The following UBR1 variants were observed in gnomAD, a reference collection of about 807,000 sequenced individuals.
The protein encoded by UBR1 is E3 ubiquitin-protein ligase UBR1.
Under a neutral mutation model 242.1 loss-of-function variants are expected in UBR1, and 102 were observed. The ratio of observed to expected loss-of-function variants is 0.42; its 90% CI spans 0.36 to 0.50. The LOEUF is 0.50. UBR1 is among the 20% of genes least tolerant of loss of function. UBR1 has a pLI of 0.01. For missense variants in UBR1, 1,772 were observed against 2,101.8 expected, an observed-to-expected ratio of 0.84 and a Z score of 3.07; for synonymous variants, 675 against 684.8, an observed-to-expected ratio of 0.99 and a Z score of 0.22.
rs1315642501 is a variant in UBR1, at chr15:42,998,843, C to A, written c.3660-578G>T. Among the ~76,000 whole-genome samples the A allele has an allele frequency of 2.6e-5, 4 of 151,994 alleles. No individual in the cohort carries two copies. In the East Asian group the frequency reaches 7.7e-4, roughly 29 times the overall value. ...ATAACTTCTAATCTTTGCTCATAAT[C>A]CCTTTTATGATCTGGTCTTTGCTTG... On this transcript the variant is annotated intron_variant, in intron 32 of 46. Transcript: ENST00000290650.
chr15:43,087,889 AG>A (rs1333624719), intron 1 of UBR1, among the ~76,000 whole-genome samples: 2 of 152,198 alleles, frequency 1.3e-5, no homozygotes, highest in Non-Finnish European at 2.9e-5. Context: ...ATAAAGCAAA[AG>A]TTACACAACA....
At chr15:43,080,966 C>T (rs914522520) in intron 3 of UBR1, among the ~76,000 whole-genome samples, 1 of 151,992 alleles carries the variant, frequency 6.6e-6, no homozygotes, top group Non-Finnish European at 1.5e-5. Flanking sequence ...AAAAACATTT[C>T]GTGTGCAGTT....
At chr15:43,026,710 T>A in intron 22 of UBR1, 47 bp from the exon 23 acceptor site, 1 of 1,486,768 alleles carries the variant, frequency 6.7e-7, no homozygotes, top group East Asian at 2.3e-5. Flanking sequence ...TCTTGAAGTA[T>A]AAAATATAGA....
intron 46 of UBR1, among the ~76,000 whole-genome samples, chr15:42,948,350 C>T (rs1331846050): frequency 1.3e-5 from 2 of 152,126 alleles, no homozygotes; most frequent in African/African-American, 4.8e-5. Flanking sequence ...CTAGGCATTA[C>T]CATTCAGGAC....
chr15:43,095,079 T>G (rs1221956332), intron 1 of UBR1, among the ~76,000 whole-genome samples: 1 of 152,236 alleles, frequency 6.6e-6, no homozygotes, highest in African/African-American at 2.4e-5. Context: ...CTGAGGTATC[T>G]ATTTCATATT....
At chr15:43,080,564 T>C (rs2033963950) in intron 3 of UBR1, among the ~76,000 whole-genome samples, 1 of 152,230 alleles carries the variant, frequency 6.6e-6, no homozygotes, top group African/African-American at 2.4e-5. Flanking sequence ...TACTAAGCAA[T>C]ATTCCATTGT....
intron 40 of UBR1, 108 bp from the exon 41 acceptor site, chr15:42,966,394 T>C (rs1306929915): frequency 2.1e-6 from 3 of 1,452,152 alleles, no homozygotes; most frequent in Non-Finnish European, 2.8e-6. Context: ...AGGTAATTTA[T>C]TATCCATGCA....
intron 37 of UBR1, among the ~76,000 whole-genome samples, chr15:42,978,710 T>C (rs766185750): frequency 9.2e-5 from 14 of 151,580 alleles, no homozygotes; most frequent in Non-Finnish European, 1.6e-4. Context: ...TCAGACTAGG[T>C]AAATTTCTTT....
In UBR1 at chr15:43,024,873, T is replaced by C. The variant is rs35069201; in HGVS notation, c.2695A>G (p.Ile899Val). 45,661 of 1,614,138 alleles carry C rather than the reference T, an allele frequency of 0.028. 807 individuals carry two copies. Among genetic ancestry groups the C allele is most frequent in the Non-Finnish European group, 0.034 (39,732 of 1,179,974 alleles). ...GTCCACAAGTTAGAATCTGTGTCTATTGCCCGCTCAAATACGGTCCTGAGA... is the reference window on the plus strand; with the variant it reads ...GTCCACAAGTTAGAATCTGTGTCTACTGCCCGCTCAAATACGGTCCTGAGA... ...YILRTVFERA[I>V]DTDSNLWTEG... is the part of the protein sequence containing the mutation. The change falls in exon 25 of 47, where the codon ATA (isoleucine) becomes GTA (valine). Residue 899 changes from isoleucine to valine, a missense_variant. Transcript: ENST00000290650.
At chr15:43,058,136 C>G (rs1054212044) in intron 10 of UBR1, among the ~76,000 whole-genome samples, 2 of 152,128 alleles carry the variant, frequency 1.3e-5, no homozygotes, top group Non-Finnish European at 2.9e-5. Flanking sequence ...TCTCGAGCTC[C>G]TGACTTCAAA....
chr15:43,077,426 T>C (rs1165039092), intron 3 of UBR1, among the ~76,000 whole-genome samples: 3 of 151,866 alleles, frequency 2.0e-5, no homozygotes, highest in African/African-American at 7.3e-5. Context: ...GAGATGTGCT[T>C]TGTTAAACAG....
In UBR1 at chr15:43,043,305, G is replaced by GTAC; in HGVS notation, c.1756_1758dup (p.Val586dup). 1.2e-6 allele frequency: 2 copies of GTAC among 1,613,918 alleles called. No individual in the cohort carries two copies. Among genetic ancestry groups the GTAC allele is most frequent in the Non-Finnish European group, 1.7e-6 (2 of 1,179,948 alleles). On this transcript the variant is annotated inframe_insertion, in exon 15 of 47. Coordinates refer to ENST00000290650, the MANE Select transcript of UBR1 (RefSeq NM_174916.3). ...GTTTCCAAACTATGTCCACACGATT[G>GTAC]TACTACTGTCTTGCTACTAGATATG...
At chr15:43,048,560 T>C in intron 12 of UBR1, 69 bp from the exon 13 acceptor site, 1 of 1,213,446 alleles carries the variant, frequency 8.2e-7, no homozygotes, top group Non-Finnish European at 1.2e-6. Context: ...TTCTCAGGGT[T>C]ATAGACAATG....
chr15:42,983,903 G>C lies in UBR1; in HGVS notation c.4144C>G (p.Leu1382Val), dbSNP rs16957294. ...AGTTCAGAGAAGACTCTACCTGATA[G>C]AAGACGAACCAGATGTTTCTGTATC... ...VLIQKHLVRL[L>V]SVVLPNIKSE... Residue 1382 changes from leucine (L) to valine (V), a missense_variant, in exon 37 of 47, where the codon CTA becomes GTA. By Grantham distance (32) the Leu-to-Val change is conservative (BLOSUM62 1). Around this residue, in one of 3 missense-constraint regions of UBR1, gnomAD observed 965 missense variants for 1,079.7 expected, o/e 0.89. Coordinates refer to ENST00000290650, the MANE Select transcript of UBR1 (RefSeq NM_174916.3). 6.2e-7 allele frequency: 1 copy of C among 1,610,444 alleles called. No individual in the cohort carries two copies. Among genetic ancestry groups the C allele is most frequent in the Admixed American group, 1.7e-5 (1 of 59,880 alleles).
In UBR1 at chr15:43,092,060, G is replaced by T. The variant is rs921375631; in HGVS notation, c.82-5820C>A. The T allele has an allele frequency of 3.1e-5, 14 of 449,374 alleles. No homozygotes were observed. In the Admixed American group the frequency reaches 3.4e-4, roughly 11 times the overall value. 27.8% of individuals were successfully genotyped at this position (449,374 alleles called of 1,614,324 possible). A position where few individuals can be genotyped will look rare whatever the true frequency, so the allele number is the denominator to read the frequency against. On this transcript the variant is annotated intron_variant, in intron 1 of 46. Coordinates refer to ENST00000290650, the MANE Select transcript of UBR1 (RefSeq NM_174916.3). ...GATCATGCCACTGCACTCCAGCCTG[G>T]GCAACACAGTGAGACCCCATCTCAA...
chr15:42,975,228 A>C (rs978959839), intron 39 of UBR1, among the ~76,000 whole-genome samples: 9 of 152,222 alleles, frequency 5.9e-5, no homozygotes, highest in African/African-American at 1.9e-4. Flanking sequence ...ATAAGCAAAA[A>C]TGTATATAAA....
At chr15:42,979,644 C>T (rs745786467) in intron 37 of UBR1, among the ~76,000 whole-genome samples, 4 of 151,926 alleles carry the variant, frequency 2.6e-5, no homozygotes, top group Admixed American at 6.6e-5. Context: ...TCCGCCTCCT[C>T]GGTTCAAGCA....
intron 32 of UBR1, among the ~76,000 whole-genome samples, chr15:43,001,112 C>T (rs921855073): frequency 1.3e-5 from 2 of 150,280 alleles, no homozygotes; most frequent in Admixed American, 6.6e-5. Flanking sequence ...GGGATTCAGG[C>T]GTGAGGCACT....
Position 43,004,047 on chromosome 15 carries a change from T to C in UBR1, c.3416-117A>G, listed in dbSNP as rs1003073241. The C allele has an allele frequency of 1.1e-5, 9 of 855,616 alleles. No homozygotes were observed. The African/African-American group carries it at 1.3e-4, about 13-fold the overall frequency. The allele number at this position is 855,616 out of a possible 1,614,324, so 53.0% of individuals were successfully genotyped here. A position where few individuals can be genotyped will look rare whatever the true frequency, so the allele number is the denominator to read the frequency against. Reference sequence around the variant, plus strand: ...GTGTCACAATATCATGATAGGAGGATATATAGTAACAAAAAGAGAAAAGTA... The same window carrying C: ...GTGTCACAATATCATGATAGGAGGACATATAGTAACAAAAAGAGAAAAGTA... On this transcript the variant is annotated intron_variant, in intron 30 of 46. Coordinates refer to ENST00000290650, the MANE Select transcript of UBR1 (RefSeq NM_174916.3).
Sources: gnomAD v4.1 joint callset for allele counts (sites outside exome capture counted in the v4.1 genomes callset) on GRCh38, gnomAD v4.1.1 for gene constraint, gnomAD v4.1.1 regional missense constraint, MANE v1.5 for transcripts, NCBI Gene and HGNC (gene_info 2026-07-23, HGNC 2026-07-21) for gene names.